The following COL8A2 variants were observed in gnomAD, a reference collection of about 807,000 sequenced individuals.
COL8A2 encodes collagen type VIII alpha 2 chain, also known as collagen alpha-2(VIII) chain.
In COL8A2, 16 loss-of-function variants were observed where a neutral mutation model predicts 24.0. The observed-to-expected ratio is 0.67, with a 90% CI of 0.45 to 1.01. COL8A2 has a LOEUF of 1.01. Ranked by LOEUF, COL8A2 falls within the 50% of genes least tolerant of loss-of-function variation. COL8A2 has a pLI of 0.00. For missense variants in COL8A2, 818 were observed against 942.4 expected, an observed-to-expected ratio of 0.87 and a Z score of 1.73; for synonymous variants, 466 against 424.5, an observed-to-expected ratio of 1.10 and a Z score of -1.20.
rs1570025578 is a variant in COL8A2 at position 36,098,526 on chromosome 1, T to C, written c.1155A>G (p.Gly385=). 2 of 1,593,604 alleles carry C rather than the reference T, an allele frequency of 1.3e-6. No homozygotes were observed. Among genetic ancestry groups the C allele is most frequent in the Non-Finnish European group, 1.7e-6 (2 of 1,171,278 alleles). The change falls in exon 4 of 4, where the codon GGA becomes GGG. Residue 385 remains glycine (G), a synonymous_variant. Coordinates refer to ENST00000397799, the MANE Select transcript of COL8A2 (RefSeq NM_005202.4). The part of the protein sequence containing the change: ...PGPKGEAGPG[G]PPGVPGIRGD... ...CTCGAATGCCAGGCACTCCTGGGGG[T>C]CCTCCAGGCCCTGCCTCACCCTTAG... is the stretch of plus-strand genomic sequence containing the variant.
intron 1 of COL8A2, among the ~76,000 whole-genome samples, chr1:36,122,467 A>C (rs1246824588): frequency 1.3e-5 from 2 of 152,064 alleles, no homozygotes; most frequent in Non-Finnish European, 2.9e-5. Context: ...TGGCCTCGCA[A>C]ACCCACCCAG....
intron 1 of COL8A2, among the ~76,000 whole-genome samples, chr1:36,124,105 G>C (rs896749903): frequency 6.6e-6 from 1 of 152,164 alleles, no homozygotes; most frequent in Non-Finnish European, 1.5e-5. Flanking sequence ...GCTAAGAGGA[G>C]TGGATGAGCC....
Position 36,098,976 on chromosome 1 carries a change from GC to G in COL8A2, c.704del (p.Gly235AlafsTer2). 1 of 1,606,646 alleles carries G rather than the reference GC, an allele frequency of 6.2e-7. No homozygotes were observed. Among genetic ancestry groups the G allele is most frequent in the Non-Finnish European group, 8.5e-7 (1 of 1,175,766 alleles). On this transcript the variant is annotated frameshift_variant, in exon 4 of 4. Coordinates refer to ENST00000397799, the MANE Select transcript of COL8A2 (RefSeq NM_005202.4). LOFTEE classifies it low-confidence loss of function (END_TRUNC). Reference sequence around the variant, plus strand: ...GCCCATCCAAACCAGGTTTGCCTAAGCCAGCTGGACCAGGGAGGCCGGGGGG... The same window carrying G: ...GCCCATCCAAACCAGGTTTGCCTAAGCAGCTGGACCAGGGAGGCCGGGGGG... ...PGPPGLPGPA[G>X]LGKPGLDGLP...
chr1:36,121,772 T>C (rs1319986125), intron 1 of COL8A2, among the ~76,000 whole-genome samples: 1 of 151,856 alleles, frequency 6.6e-6, no homozygotes, highest in Non-Finnish European at 1.5e-5. Context: ...CTCTGCTCCA[T>C]GTCCTTTGAG....
chr1:36,098,464 C>G lies in COL8A2; in HGVS notation c.1217G>C (p.Gly406Ala), dbSNP rs747018538. Reference protein sequence around the residue: ...QGPSGLAGKPGVPGERGLPGA... With the variant: ...QGPSGLAGKPAVPGERGLPGA... The stretch of plus-strand genomic sequence containing the variant: ...AGGAAGTCCCCTCTCACCTGGGACC[C>G]CTGGTTTCCCAGCCAGGCCACTAGG... The change falls in exon 4 of 4, where the codon GGG becomes GCG. Residue 406 changes from glycine (G) to alanine (A), a missense_variant. Gly to Ala is a moderately conservative substitution (Grantham distance 60, BLOSUM62 0). Around this residue, in one of 3 missense-constraint regions of COL8A2, gnomAD observed 573 missense variants for 616.8 expected, o/e 0.93. Coordinates refer to ENST00000397799, the MANE Select transcript of COL8A2 (RefSeq NM_005202.4). The G allele has an allele frequency of 6.3e-7, 1 of 1,575,922 alleles. No individual in the cohort carries two copies.
At chr1:36,108,952 C>T (rs920985628) in intron 2 of COL8A2, among the ~76,000 whole-genome samples, 1 of 152,100 alleles carries the variant, frequency 6.6e-6, no homozygotes, top group African/African-American at 2.4e-5. Context: ...CACAGGTGAG[C>T]GATCAGAGGT....
intron 1 of COL8A2, among the ~76,000 whole-genome samples, chr1:36,122,535 C>T (rs987722549): frequency 2.0e-5 from 3 of 152,154 alleles, no homozygotes; most frequent in South Asian, 4.1e-4. Flanking sequence ...CAGACCCCAG[C>T]GCCAAACCCA....
chr1:36,121,933 C>G (rs182581038), intron 1 of COL8A2, among the ~76,000 whole-genome samples: 145 of 152,224 alleles, frequency 9.5e-4, no homozygotes, highest in African/African-American at 3.3e-3. Flanking sequence ...CCACCTGGCT[C>G]TCCCCATGAG....
chr1:36,121,757 G>T lies in COL8A2; in HGVS notation c.-62+3300C>A, dbSNP rs72661677. On this transcript the variant is annotated intron_variant, in intron 1 of 3. Transcript: ENST00000397799. Reference sequence around the variant, plus strand: ...GAAAGAAATCACAAAACCCAGTAAGGTTCCCTCTGCTCCATGTCCTTTGAG... The same window carrying T: ...GAAAGAAATCACAAAACCCAGTAAGTTTCCCTCTGCTCCATGTCCTTTGAG... 8.3e-3 allele frequency among the ~76,000 whole-genome samples: 1,255 copies of T among 152,082 alleles called. 6 individuals carry two copies. The highest frequency in any genetic ancestry group is 0.014 in the Non-Finnish European group (948 of 67,948).
At chr1:36,100,313 G>A (rs1257216977) in intron 2 of COL8A2, 55 bp from the exon 3 acceptor site, 5 of 1,450,904 alleles carry the variant, frequency 3.4e-6, no homozygotes, top group African/African-American at 1.4e-5. Flanking sequence ...TTTGGCACTA[G>A]GCCCGGGGTC....
chr1:36,108,545 T>G (rs1210510185), intron 2 of COL8A2, among the ~76,000 whole-genome samples: 1 of 152,216 alleles, frequency 6.6e-6, no homozygotes, highest in Admixed American at 6.5e-5. Context: ...ATGCAGTGTT[T>G]GGACAGCTGC....
chr1:36,108,181 C>T (rs1643788236), intron 2 of COL8A2, among the ~76,000 whole-genome samples: 1 of 152,242 alleles, frequency 6.6e-6, no homozygotes, highest in Admixed American at 6.5e-5. Context: ...TGGGCTAGAA[C>T]GGGAAAAGCA....
At position 36,095,386 on chromosome 1, in the gene COL8A2, G is replaced by A. The variant is rs1643545941; in HGVS notation, c.*2183C>T. On this transcript the variant is annotated 3_prime_UTR_variant, in exon 4 of 4. Coordinates refer to ENST00000397799, the MANE Select transcript of COL8A2 (RefSeq NM_005202.4). ...ACAGGGCACATGATAGGTATGTAGA[G>A]AGCTAAGCTTCCTATACCAAGTTAG... The A allele has an allele frequency of 6.6e-6, 1 of 152,074 alleles. No homozygotes were observed. The highest frequency in any genetic ancestry group is 2.1e-4 in the South Asian group (1 of 4,826). The allele number at this position is 152,074 out of a possible 1,614,324, so 9.4% of individuals were successfully genotyped here.
At chr1:36,106,144 A>C (rs928934573) in intron 2 of COL8A2, among the ~76,000 whole-genome samples, 2 of 151,822 alleles carry the variant, frequency 1.3e-5, no homozygotes, top group African/African-American at 4.8e-5. Flanking sequence ...GGTGGCTGTG[A>C]TTCCAGCTAC....
chr1:36,099,800 C>T (rs1286760639), intron 3 of COL8A2, among the ~76,000 whole-genome samples: 14 of 152,164 alleles, frequency 9.2e-5, no homozygotes, highest in Non-Finnish European at 5.9e-5. Context: ...AGCAGCCCAC[C>T]TTAGAGCCCG....
intron 1 of COL8A2, among the ~76,000 whole-genome samples, chr1:36,121,813 G>C (rs1197084600): frequency 2.0e-5 from 3 of 152,120 alleles, no homozygotes; most frequent in African/African-American, 7.2e-5. Context: ...AAGGGCACCT[G>C]GGCCTGGGAT....
Position 36,115,751 on chromosome 1 carries a change from G to C in COL8A2, c.-60C>G. 5.1e-6 allele frequency: 5 copies of C among 985,446 alleles called. No homozygotes were observed. Among genetic ancestry groups the C allele is most frequent in the Non-Finnish European group, 6.0e-6 (5 of 830,016 alleles). The allele number at this position is 985,446 out of a possible 1,614,324, so 61.0% of individuals were successfully genotyped here. ...CTGGGAAGGTTCCAGCAGAGGCAGGGCCTGAGGATGAACAAGAGAAACAGT... is the reference window on the plus strand; with the variant it reads ...CTGGGAAGGTTCCAGCAGAGGCAGGCCCTGAGGATGAACAAGAGAAACAGT... On this transcript the variant is annotated splice_region_variant and 5_prime_UTR_variant, in exon 2 of 4. Coordinates refer to ENST00000397799, the MANE Select transcript of COL8A2 (RefSeq NM_005202.4). The surrounding 1 kb of genome is among the most constrained non-coding windows in gnomAD (Gnocchi z 5.7).
At chr1:36,124,558 C>A (rs1209584979) in intron 1 of COL8A2, among the ~76,000 whole-genome samples, 2 of 152,026 alleles carry the variant, frequency 1.3e-5, no homozygotes, top group Admixed American at 6.6e-5. Context: ...ATAGGAGGAA[C>A]CTGGGGGCTA....
At chr1:36,118,696 C>T (rs1461089957) in intron 1 of COL8A2, among the ~76,000 whole-genome samples, 1 of 147,940 alleles carries the variant, frequency 6.8e-6, no homozygotes, top group Admixed American at 6.7e-5. Flanking sequence ...CACCCCCAAC[C>T]AGCTTCTGAG....
Sources: gnomAD v4.1 joint callset for allele counts (sites outside exome capture counted in the v4.1 genomes callset) on GRCh38, gnomAD v4.1.1 for gene constraint, gnomAD v4.1.1 regional missense constraint, Gnocchi (gnomAD v3.1) non-coding constraint, MANE v1.5 for transcripts, NCBI Gene and HGNC (gene_info 2026-07-23, HGNC 2026-07-21) for gene names.